FABP6: variants seen among roughly 807,000 people sequenced by gnomAD.
The protein encoded by FABP6 is gastrotropin.
FABP6 carries 13 observed loss-of-function variants against 14.9 expected under a neutral mutation model. The ratio of observed to expected loss-of-function variants is 0.87; its 90% CI spans 0.57 to 1.39. The LOEUF is 1.39. Ranked by LOEUF, FABP6 falls within the 40% of genes most tolerant of loss-of-function variation. The probability of loss-of-function intolerance (pLI) is 0.00; values close to 1 mark genes in which losing one functional copy is unlikely to be tolerated. For missense variants in FABP6, 161 were observed against 167.2 expected (o/e 0.96, Z 0.20); for synonymous variants, 75 against 63.6 (o/e 1.18, Z -0.85).
At chr5:160,227,098 A>G (rs534919908), upstream of FABP6, among the ~76,000 whole-genome samples, 1 of 152,358 alleles carries the variant, frequency 6.6e-6, no homozygotes, top group African/African-American at 2.4e-5. Context: ...AGACATACAT[A>G]TGATAGAATA....
chr5:160,212,853 G>C (rs1276516602), intron 2 of FABP6, among the ~76,000 whole-genome samples: 1 of 152,132 alleles, frequency 6.6e-6, no homozygotes, highest in Non-Finnish European at 1.5e-5. Flanking sequence ...CTGACCTCAA[G>C]TGATCTGCCC....
upstream of FABP6, chr5:160,228,707 C>T (rs1760304907): frequency 8.3e-6 from 3 of 360,332 alleles, 1 homozygote; most frequent in South Asian, 6.2e-5. Context: ...GCTGCCTAGG[C>T]CCATGGGTGG....
chr5:160,191,986 A>G (rs1759404059), intron 1 of FABP6, among the ~76,000 whole-genome samples: 1 of 151,334 alleles, frequency 6.6e-6, no homozygotes. Context: ...AAAAAGAAAA[A>G]AAAGAAAAAA....
At chr5:160,237,274 T>G (rs1760537867) in intron 3 of FABP6, among the ~76,000 whole-genome samples, 1 of 152,042 alleles carries the variant, frequency 6.6e-6, no homozygotes, top group Non-Finnish European at 1.5e-5. Context: ...TGCTTGTCAA[T>G]TCCCAGAGAT....
intron 3 of FABP6, among the ~76,000 whole-genome samples, chr5:160,222,283 G>A (rs937343895): frequency 6.6e-6 from 1 of 151,578 alleles, no homozygotes; most frequent in Non-Finnish European, 1.5e-5. Context: ...GTAGAGATGA[G>A]GTCTCTATAT....
chr5:160,189,678 C>T (rs1370033929), intron 1 of FABP6, among the ~76,000 whole-genome samples: 4 of 151,996 alleles, frequency 2.6e-5, no homozygotes, highest in African/African-American at 9.7e-5. Flanking sequence ...GGAGACCAGC[C>T]TGGGACAACG....
intron 2 of FABP6, among the ~76,000 whole-genome samples, chr5:160,203,190 C>G (rs377311588): frequency 1.1e-4 from 17 of 152,038 alleles, no homozygotes; most frequent in African/African-American, 3.9e-4. Context: ...GCTTGAGCCA[C>G]CACGCCCTGC....
chr5:160,225,622 G>C (rs541616786), upstream of FABP6, among the ~76,000 whole-genome samples: 2 of 151,374 alleles, frequency 1.3e-5, no homozygotes, highest in South Asian at 2.1e-4. Context: ...GGATGGTCTC[G>C]ATCTCCTGAT....
At chr5:160,234,759 G>T in intron 2 of FABP6, 61 bp from the exon 3 acceptor site, 1 of 1,405,074 alleles carries the variant, frequency 7.1e-7, no homozygotes, top group Non-Finnish European at 9.8e-7. Context: ...CGCGCCACCA[G>T]CCCCAGATAG....
chr5:160,236,174 T>G (rs1760511527), intron 3 of FABP6, among the ~76,000 whole-genome samples: 1 of 151,886 alleles, frequency 6.6e-6, no homozygotes, highest in Non-Finnish European at 1.5e-5. Context: ...CACCATCACA[T>G]CTGGCTAATT....
chr5:160,229,247 G>A (rs1403576947), upstream of FABP6, among the ~76,000 whole-genome samples: 4 of 152,180 alleles, frequency 2.6e-5, no homozygotes, highest in African/African-American at 9.7e-5. Flanking sequence ...TGAGGGCAGG[G>A]CATGCGGGAA....
upstream of FABP6, among the ~76,000 whole-genome samples, chr5:160,226,030 C>T (rs982488213): frequency 2.6e-5 from 4 of 151,434 alleles, no homozygotes; most frequent in Admixed American, 2.0e-4. Flanking sequence ...AAAAATTAGC[C>T]GGGCGTGGTG....
upstream of FABP6, among the ~76,000 whole-genome samples, chr5:160,226,533 CAA>C (rs71956446): frequency 2.9e-5 from 4 of 136,824 alleles, no homozygotes; most frequent in Non-Finnish European, 1.6e-5. Context: ...GAGACTGTCT[CAA>C]AAAAAAAAAA....
chr5:160,218,174 C>A (rs1447399779), intron 3 of FABP6, among the ~76,000 whole-genome samples: 1 of 152,070 alleles, frequency 6.6e-6, no homozygotes, highest in East Asian at 1.9e-4. Flanking sequence ...CAATTCCTGG[C>A]CTCTGGCCTC....
chr5:160,205,744 C>T (rs1990926), intron 2 of FABP6, among the ~76,000 whole-genome samples: 30,938 of 152,066 alleles, frequency 0.2, 3,266 homozygotes, highest in South Asian at 0.25. Context: ...TCATTGGATT[C>T]TGTAATGTGA....
intron 1 of FABP6, among the ~76,000 whole-genome samples, chr5:160,192,403 G>C (rs1400153384): frequency 1.3e-5 from 2 of 152,176 alleles, no homozygotes; most frequent in Non-Finnish European, 2.9e-5. Flanking sequence ...TGCACACACT[G>C]CATCTTCCCC....
chr5:160,199,565 G>T (rs1274465969), intron 2 of FABP6, among the ~76,000 whole-genome samples: 1 of 152,164 alleles, frequency 6.6e-6, no homozygotes, highest in Non-Finnish European at 1.5e-5. Flanking sequence ...GCCTGGGGCC[G>T]GCGGGCGGGG....
upstream of FABP6, chr5:160,228,323 G>A (rs1281348828): frequency 2.1e-5 from 9 of 422,636 alleles, no homozygotes; most frequent in East Asian, 7.2e-5. Context: ...CCCGGGAGGC[G>A]GAGGTTGCAG....
At chr5:160,198,968 T>G in intron 1 of FABP6, 2 of 854,116 alleles carry the variant, frequency 2.3e-6, no homozygotes, top group Non-Finnish European at 3.8e-6. Flanking sequence ...GTCAATAAAA[T>G]GGATTGAATA....
Sources: gnomAD v4.1 joint callset for allele counts (sites outside exome capture counted in the v4.1 genomes callset) on GRCh38, gnomAD v4.1.1 for gene constraint, MANE v1.5 for transcripts, NCBI Gene and HGNC (gene_info 2026-07-23, HGNC 2026-07-21) for gene names.